IFT122: variants seen among roughly 807,000 people sequenced by gnomAD.
The protein encoded by IFT122 is intraflagellar transport 122.
IFT122 carries 118 observed loss-of-function variants against 161.6 expected under a neutral mutation model. That is an observed-to-expected ratio of 0.73 (90% CI 0.63 to 0.85). IFT122 has a LOEUF of 0.85. IFT122 is among the 40% of genes least tolerant of loss of function. The probability of loss-of-function intolerance (pLI) is 0.00; values close to 1 mark genes in which losing one functional copy is unlikely to be tolerated. For synonymous variants in IFT122, 550 were observed against 602.4 expected (o/e 0.91, Z 1.27); for missense variants, 1,381 against 1,579.6 (o/e 0.87, Z 2.13).
chr3:129,500,196 C>G, intron 19 of IFT122, 128 bp downstream of exon 19: 2 of 1,107,746 alleles, frequency 1.8e-6, no homozygotes, highest in South Asian at 2.6e-5. Context: ...CTAGGTTCTT[C>G]AGGAGACACA....
rs1560023187 is a variant in IFT122 at position 129,516,570 on chromosome 3, CACACACACAG to C, written c.3266-897_3266-888del. Among the ~76,000 whole-genome samples the C allele has an allele frequency of 1.1e-3, 152 of 141,238 alleles. 4 individuals are homozygous for C. The highest frequency in any genetic ancestry group is 3.8e-3 in the African/African-American group (141 of 36,922). 92.7% of individuals were successfully genotyped at this position (141,238 alleles called of 152,430 possible). On this transcript the variant is annotated intron_variant, in intron 26 of 29. Transcript: ENST00000348417. ...CACACACAGATTGCTCCTGCACACACACACACACAGAGAGACTGCCCCTGCACACACACAG... is the reference window on the plus strand; with the variant it reads ...CACACACAGATTGCTCCTGCACACACAGAGACTGCCCCTGCACACACACAG...
In IFT122 at chr3:129,506,433, G is replaced by A. The variant is rs758473452; in HGVS notation, c.2675G>A (p.Arg892Lys). ...QKAFHKAGRQ[R>K]EAVQVLEQLT... is the part of the protein sequence containing the mutation. ...GCGTTCCACAAGGCTGGGCGACAGA[G>A]AGAAGCGGTCCAGGTGCTGGAGCAG... The change falls in exon 22 of 30, where the codon AGA (arginine) becomes AAA (lysine). Residue 892 changes from arginine (R) to lysine (K), a missense_variant. Physicochemically the swap from Arg to Lys is conservative, Grantham distance 26. Transcript: ENST00000348417. 1 of 1,614,036 alleles carries A rather than the reference G, an allele frequency of 6.2e-7. No homozygotes were observed. Among genetic ancestry groups the A allele is most frequent in the Admixed American group, 1.7e-5 (1 of 60,026 alleles).
chr3:129,516,186 A>C (rs1418396880), intron 26 of IFT122, among the ~76,000 whole-genome samples: 3 of 83,942 alleles, frequency 3.6e-5, no homozygotes, highest in African/African-American at 1.0e-4. Context: ...CACACACAGA[A>C]ACCGCCCCTG....
Position 129,488,466 on chromosome 3 carries a change from C to G in IFT122, c.1992+69C>G, listed in dbSNP as rs55991801. On this transcript the variant is annotated intron_variant, in intron 16 of 29. Coordinates refer to ENST00000348417, the MANE Select transcript of IFT122 (RefSeq NM_052989.3). ...GTCCCTTAAGAAGGCAGATGGGGAC[C>G]CAGGTGGCACGGAGAGGCCATAGAC... The G allele has an allele frequency of 0.11, 170,398 of 1,590,586 alleles. 11,304 individuals are homozygous for G. Among genetic ancestry groups the G allele is most frequent in the South Asian group, 0.24 (21,807 of 89,478 alleles).
intron 18 of IFT122, among the ~76,000 whole-genome samples, chr3:129,496,750 G>T (rs1337610601): frequency 6.6e-6 from 1 of 152,096 alleles, no homozygotes. Context: ...GGGTGTTCAG[G>T]CTCCCTCTAC....
chr3:129,509,305 T>A (rs1043003938), intron 23 of IFT122, among the ~76,000 whole-genome samples: 1 of 151,534 alleles, frequency 6.6e-6, no homozygotes, highest in Non-Finnish European at 1.5e-5. Context: ...ATGGTTGACA[T>A]TGAGTTCTTC....
chr3:129,454,216 A>G (rs527741750), intron 3 of IFT122, among the ~76,000 whole-genome samples: 2 of 152,116 alleles, frequency 1.3e-5, no homozygotes, highest in African/African-American at 4.8e-5. Context: ...TTAGTCCTGC[A>G]TAAAGACATA....
At chr3:129,516,213 G>C (rs888509043) in intron 26 of IFT122, among the ~76,000 whole-genome samples, 1 of 124,086 alleles carries the variant, frequency 8.1e-6, no homozygotes, top group African/African-American at 3.2e-5. Flanking sequence ...CACGGAGACT[G>C]CCTCTGCACA....
chr3:129,511,589 T>C (rs2082834321), intron 23 of IFT122, among the ~76,000 whole-genome samples: 2 of 152,250 alleles, frequency 1.3e-5, no homozygotes, highest in African/African-American at 4.8e-5. Flanking sequence ...AAATAAGGTA[T>C]TCTTAACCTT....
At chr3:129,496,090 G>T (rs1325802403) in intron 18 of IFT122, among the ~76,000 whole-genome samples, 1 of 152,232 alleles carries the variant, frequency 6.6e-6, no homozygotes, top group African/African-American at 2.4e-5. Context: ...GGGAAGTCAG[G>T]CAGAGCCTCC....
intron 15 of IFT122, among the ~76,000 whole-genome samples, chr3:129,485,716 G>A (rs1429460780): frequency 6.6e-6 from 1 of 152,228 alleles, no homozygotes; most frequent in African/African-American, 2.4e-5. Flanking sequence ...GACTGTGGCC[G>A]GCCAAGAGGA....
At chr3:129,502,598 TC>T (rs2081701341) in intron 19 of IFT122, 112 bp from the exon 20 acceptor site, 1 of 1,217,058 alleles carries the variant, frequency 8.2e-7, no homozygotes, top group Non-Finnish European at 1.2e-6. Flanking sequence ...ACTGAGCAAC[TC>T]CCATGGGCCA....
chr3:129,511,840 C>T (rs1213114469), intron 23 of IFT122, among the ~76,000 whole-genome samples: 4 of 152,186 alleles, frequency 2.6e-5, no homozygotes, highest in African/African-American at 7.2e-5. Context: ...GGGCTAAATG[C>T]CTCTGTTGAA....
chr3:129,449,599 C>T (rs2074494526), intron 1 of IFT122, among the ~76,000 whole-genome samples: 1 of 152,168 alleles, frequency 6.6e-6, no homozygotes, highest in African/African-American at 2.4e-5. Context: ...TTAATACCCT[C>T]AACAGTTGAC....
At chr3:129,515,374 A>G in intron 25 of IFT122, 114 bp from the exon 26 acceptor site, 2 of 846,278 alleles carry the variant, frequency 2.4e-6, no homozygotes, top group Non-Finnish European at 3.9e-6. Flanking sequence ...CTGCCTGCCC[A>G]CCCGGGTGGC....
chr3:129,520,153 G>T lies in IFT122; in HGVS notation c.3637-23G>T, dbSNP rs201194566. The T allele has an allele frequency of 8.4e-4, 1,351 of 1,599,460 alleles. 11 individuals are homozygous for T. Among genetic ancestry groups the T allele is most frequent in the Non-Finnish European group, 2.1e-4 (245 of 1,170,046 alleles). On this transcript the variant is annotated intron_variant, in intron 29 of 29. Transcript: ENST00000348417. ...TGATGAGCACTAGGGCTTCAGCCTG[G>T]TCTTACAGCTGTCTTCCCTTAGATG...
intron 19 of IFT122, among the ~76,000 whole-genome samples, 182 bp from the exon 20 acceptor site, chr3:129,502,529 C>T (rs912517115): frequency 2.6e-5 from 4 of 152,166 alleles, no homozygotes; most frequent in Admixed American, 6.5e-5. Context: ...GTAAAGGCCA[C>T]CTCTCCCAGA....
At chr3:129,462,732 T>C (rs1390060820) in intron 5 of IFT122, among the ~76,000 whole-genome samples, 1 of 152,232 alleles carries the variant, frequency 6.6e-6, no homozygotes, top group East Asian at 1.9e-4. Flanking sequence ...TTCTTGATTG[T>C]ACTTCGCAAC....
intron 28 of IFT122, 39 bp downstream of exon 28, chr3:129,519,225 C>T (rs1448002041): frequency 3.7e-5 from 57 of 1,551,116 alleles, no homozygotes; most frequent in Non-Finnish European, 4.8e-5. Context: ...GGAGGGCAGC[C>T]TCCATCCCTT....
Sources: allele counts gnomAD v4.1 joint callset (sites outside exome capture counted in the v4.1 genomes callset), GRCh38; gene constraint gnomAD v4.1.1; transcripts MANE v1.5; gene names NCBI Gene and HGNC (gene_info 2026-07-23, HGNC 2026-07-21).